WDR4: variants seen among roughly 807,000 people sequenced by gnomAD.
WDR4 encodes WDR4 tRNA N7-guanosine methyltransferase non-catalytic subunit, also known as tRNA (guanine-N(7)-)-methyltransferase non-catalytic subunit WDR4.
Under a neutral mutation model 48.6 loss-of-function variants are expected in WDR4, and 47 were observed. The ratio of observed to expected loss-of-function variants is 0.97; its 90% CI spans 0.77 to 1.23. The LOEUF (loss-of-function observed/expected upper bound fraction) is 1.23, where lower values mean the gene tolerates loss of function less well. WDR4 is among the 50% of genes most tolerant of loss of function. The pLI is 0.00. For synonymous variants in WDR4, 268 were observed against 230.0 expected, an observed-to-expected ratio of 1.17 and a Z score of -1.49; for missense variants, 606 against 551.6, an observed-to-expected ratio of 1.10 and a Z score of -0.99.
intron 1 of WDR4, among the ~76,000 whole-genome samples, chr21:42,877,811 G>A (rs1223836040): frequency 6.6e-6 from 1 of 152,070 alleles, no homozygotes; most frequent in Non-Finnish European, 1.5e-5. Context: ...TTGGGAGGCC[G>A]AGATGGGCGG....
intron 6 of WDR4, among the ~76,000 whole-genome samples, chr21:42,859,045 G>C (rs1412022419): frequency 6.6e-6 from 1 of 152,050 alleles, no homozygotes; most frequent in Non-Finnish European, 1.5e-5. Context: ...GAGAAAACAC[G>C]TCTCTCATCA....
chr21:42,879,178 G>C, intron 1 of WDR4: 1 of 1,333,370 alleles, frequency 7.5e-7, no homozygotes, highest in Non-Finnish European at 9.6e-7. Flanking sequence ...TGCAAGGAGC[G>C]CGCCGGAGCC....
chr21:42,863,909 A>C (rs557968799), intron 3 of WDR4, among the ~76,000 whole-genome samples: 45,700 of 111,954 alleles, frequency 0.41, 11,717 homozygotes, highest in African/African-American at 0.73. Context: ...GATTGAGACC[A>C]TTCTGGCTAA....
At chr21:42,866,463 C>T (rs1222468880) in intron 3 of WDR4, among the ~76,000 whole-genome samples, 1 of 152,308 alleles carries the variant, frequency 6.6e-6, no homozygotes, top group African/African-American at 2.4e-5. Context: ...TACATGGAAC[C>T]TCTAAAACTG....
downstream of WDR4, among the ~76,000 whole-genome samples, chr21:42,846,605 T>G (rs945101636): frequency 3.6e-4 from 54 of 152,068 alleles, no homozygotes; most frequent in Non-Finnish European, 6.0e-4. Context: ...CCCAGCACTC[T>G]GGGAGGCCAA....
chr21:42,870,746 G>A (rs1453603733), intron 3 of WDR4, among the ~76,000 whole-genome samples: 5 of 152,014 alleles, frequency 3.3e-5, no homozygotes, highest in African/African-American at 4.8e-5. Context: ...CTGAGATCAC[G>A]CCATTGCACT....
upstream of WDR4, among the ~76,000 whole-genome samples, chr21:42,881,650 C>T (rs1355277823): frequency 1.3e-5 from 2 of 152,172 alleles, no homozygotes; most frequent in African/African-American, 4.8e-5. Context: ...CCAGTGTTCA[C>T]TACCAGTTTC....
At chr21:42,890,318 A>C in the WDR4 span, among the ~76,000 whole-genome samples, 2 of 152,214 alleles carry the variant, frequency 1.3e-5, no homozygotes, top group Non-Finnish European at 2.9e-5. Context: ...GGGGGATCAC[A>C]AGGTCAAGAG....
Position 42,867,345 on chromosome 21 carries a change from C to T in WDR4, c.297-3749G>A, listed in dbSNP as rs537795159. On this transcript the variant is annotated intron_variant, in intron 3 of 10. Transcript: ENST00000398208. ...GGTGGAGGTTGCAGTGAGCCAAGAC[C>T]GTGCCACTGCACTCCAGCCTGGGTG... is the stretch of plus-strand genomic sequence containing the variant. Among the ~76,000 whole-genome samples the T allele has an allele frequency of 2.8e-4, 42 of 149,990 alleles. No individual in the cohort carries two copies. In the South Asian group the frequency reaches 4.7e-3, roughly 17 times the overall value.
chr21:42,880,099 C>A (rs552966796), upstream of WDR4, among the ~76,000 whole-genome samples: 5 of 151,290 alleles, frequency 3.3e-5, no homozygotes, highest in East Asian at 5.8e-4. Context: ...CCGCTGCACT[C>A]CAGCCAGGGC....
chr21:42,853,867 G>A (rs938613518), intron 8 of WDR4, 115 bp from the exon 9 acceptor site: 20 of 1,162,810 alleles, frequency 1.7e-5, no homozygotes, highest in Middle Eastern at 2.1e-4. Flanking sequence ...GAGAGCCTAC[G>A]CTGAAAGCCC....
At chr21:42,872,700 C>T (rs1197734836) in intron 3 of WDR4, among the ~76,000 whole-genome samples, 4 of 151,752 alleles carry the variant, frequency 2.6e-5, no homozygotes, top group African/African-American at 9.7e-5. Context: ...TTTGGGAGGC[C>T]GAGGCCAGCG....
At chr21:42,872,018 CTT>C (rs1001138093) in intron 3 of WDR4, among the ~76,000 whole-genome samples, 9 of 151,380 alleles carry the variant, frequency 5.9e-5, no homozygotes, top group African/African-American at 1.9e-4. Flanking sequence ...GGGTTTTGCT[CTT>C]CTCACCCAGG....
rs367708174 is a variant in WDR4 at position 42,879,537 on chromosome 21, A to C, written c.-42T>G. On this transcript the variant is annotated 5_prime_UTR_variant, in exon 1 of 11. Transcript: ENST00000398208. ...CCGCCATACACATGTGCCAGCCCAG[A>C]GCCTCTTCCTGTCCGCACCGGTCGG... The C allele has an allele frequency of 1.2e-6, 2 of 1,607,022 alleles. No homozygotes were observed. The highest frequency in any genetic ancestry group is 1.7e-6 in the Non-Finnish European group (2 of 1,176,860).
intron 10 of WDR4, among the ~76,000 whole-genome samples, chr21:42,851,504 A>G (rs964633667): frequency 6.6e-6 from 1 of 152,218 alleles, no homozygotes; most frequent in Non-Finnish European, 1.5e-5. Context: ...AGTGGGGTTT[A>G]GCTTTGCAAG....
chr21:42,859,597 G>GCCCC, intron 6 of WDR4, 65 bp downstream of exon 6: 77 of 708,140 alleles, frequency 1.1e-4, no homozygotes, highest in East Asian at 2.2e-4. Context: ...TCCAGGAGGC[G>GCCCC]CCCACCCCAC....
chr21:42,864,306 T>C (rs963824240), intron 3 of WDR4, among the ~76,000 whole-genome samples: 3 of 151,758 alleles, frequency 2.0e-5, no homozygotes, highest in African/African-American at 7.3e-5. Context: ...CCATAAACGC[T>C]GAGTGTGCTG....
upstream of WDR4, among the ~76,000 whole-genome samples, chr21:42,884,083 T>C (rs9983704): frequency 0.6 from 91,291 of 152,050 alleles, 28,172 homozygotes; most frequent in African/African-American, 0.71. Flanking sequence ...TTCATGGATA[T>C]TGTAGCATGT....
chr21:42,854,161 C>A (rs980007331), intron 8 of WDR4, among the ~76,000 whole-genome samples: 1 of 152,234 alleles, frequency 6.6e-6, no homozygotes, highest in African/African-American at 2.4e-5. Context: ...ACAAGTCACT[C>A]GGGAAGAAGC....
Sources: gnomAD v4.1 joint callset for allele counts (sites outside exome capture counted in the v4.1 genomes callset) on GRCh38, gnomAD v4.1.1 for gene constraint, MANE v1.5 for transcripts, NCBI Gene and HGNC (gene_info 2026-07-23, HGNC 2026-07-21) for gene names.